Variants in CFAP46 observed in about 807,000 individuals in gnomAD.
CFAP46 encodes cilia- and flagella-associated protein 46.
Under a neutral mutation model 325.7 loss-of-function variants are expected in CFAP46, and 245 were observed. The observed-to-expected ratio is 0.75, with a 90% CI of 0.68 to 0.84. CFAP46 has a LOEUF of 0.84. Among genes scored for constraint, CFAP46 ranks in the 40% least tolerant of loss-of-function variants. The pLI, the probability that CFAP46 is intolerant of heterozygous loss-of-function variation, is 0.00. For missense variants in CFAP46, 3,346 were observed against 3,543.0 expected, an observed-to-expected ratio of 0.94 and a Z score of 1.41; for synonymous variants, 1,523 against 1,495.9, an observed-to-expected ratio of 1.02 and a Z score of -0.42.
chr10:132,888,364 A>ACC lies in CFAP46; in HGVS notation c.3305-2407_3305-2406dup, dbSNP rs1293627478. On this transcript the variant is annotated intron_variant, in intron 25 of 57. Coordinates refer to ENST00000368586, the MANE Select transcript of CFAP46 (RefSeq NM_001200049.3). ...TGCCACCTTCACCCCTGCCGCCTGC[A>ACC]CCTGCCACCTTCACCCCTGCCGCCT... Among the ~76,000 whole-genome samples the ACC allele has an allele frequency of 7.4e-3, 307 of 41,254 alleles. 23 individuals carry two copies. Among genetic ancestry groups the ACC allele is most frequent in the African/African-American group, 0.052 (263 of 5,048 alleles). 27.1% of individuals were successfully genotyped at this position (41,254 alleles called of 152,430 possible).
chr10:132,903,433 C>T (rs1057514147), intron 22 of CFAP46, among the ~76,000 whole-genome samples: 3 of 152,048 alleles, frequency 2.0e-5, no homozygotes, highest in Non-Finnish European at 4.4e-5. Flanking sequence ...CATTTCTCCC[C>T]GCGACTCTTC....
rs1251373487 is a variant in CFAP46 at position 132,872,662 on chromosome 10, G to T, written c.4511+14C>A. On this transcript the variant is annotated intron_variant, in intron 32 of 57. Coordinates refer to ENST00000368586, the MANE Select transcript of CFAP46 (RefSeq NM_001200049.3). ...TTTGGGGAAATCACACTCCGAAAAA[G>T]GAGCTGTACCCACCGAAGGTGGTAG... 1.3e-6 allele frequency: 2 copies of T among 1,550,548 alleles called. No homozygotes were observed. Among genetic ancestry groups the T allele is most frequent in the Admixed American group, 3.9e-5 (2 of 51,010 alleles).
chr10:132,936,455 G>A lies in CFAP46; in HGVS notation c.755+506C>T, dbSNP rs558756887. The stretch of plus-strand genomic sequence containing the variant: ...TCCCCTCGGCATCCAAACACACTGT[G>A]ATCTCCTCACTCCCCTCGGCACCCA... On this transcript the variant is annotated intron_variant, in intron 7 of 57. Coordinates refer to ENST00000368586, the MANE Select transcript of CFAP46 (RefSeq NM_001200049.3). Among the ~76,000 whole-genome samples the A allele has an allele frequency of 1.3e-3, 154 of 120,938 alleles. 1 individual carries two copies. Among genetic ancestry groups the A allele is most frequent in the African/African-American group, 4.4e-3 (135 of 30,406 alleles). 79.3% of individuals were successfully genotyped at this position (120,938 alleles called of 152,430 possible).
In CFAP46 at chr10:132,880,991, C is replaced by T. The variant is rs756186122; in HGVS notation, c.3669G>A (p.Glu1223=). Residue 1223 remains glutamate (E), a synonymous_variant, in exon 28 of 58, where the codon GAG becomes GAA. Coordinates refer to ENST00000368586, the MANE Select transcript of CFAP46 (RefSeq NM_001200049.3). The part of the protein sequence containing the change: ...MEWQKVEYLM[E]FGQWLHHRHF... ...GTCTGTGATGGAGCCACTGGCCGAA[C>T]TCCATGAGGTACTCCACCTTCTGCC... 3.2e-6 allele frequency: 5 copies of T among 1,550,466 alleles called. No homozygotes were observed. Among genetic ancestry groups the T allele is most frequent in the African/African-American group, 2.7e-5 (2 of 73,052 alleles).
At chr10:132,842,121 C>A (rs1032909300) in intron 44 of CFAP46, among the ~76,000 whole-genome samples, 1 of 152,190 alleles carries the variant, frequency 6.6e-6, no homozygotes, top group Non-Finnish European at 1.5e-5. Context: ...ATTCCATCTC[C>A]GAGTTATTTT....
rs963286497 is a variant in CFAP46 at position 132,885,455 on chromosome 10, G to A, written c.3444-169C>T. ...CTACGCGGGGGTCTCGGGGGTGAGC[G>A]GGGGCCTCGGGGCTATGCAGGGTTT... On this transcript the variant is annotated intron_variant, in intron 26 of 57. Coordinates refer to ENST00000368586, the MANE Select transcript of CFAP46 (RefSeq NM_001200049.3). 3.3e-5 allele frequency among the ~76,000 whole-genome samples: 5 copies of A among 151,966 alleles called. No homozygotes were observed. In the East Asian group the frequency reaches 9.7e-4, roughly 30 times the overall value.
chr10:132,824,159 TGCTGTGTGCTGTGTGAGC>T (rs1847973868), intron 50 of CFAP46, among the ~76,000 whole-genome samples: 1 of 133,630 alleles, frequency 7.5e-6, no homozygotes. Context: ...GCTGTGTGTG[TGCTGTGTGCTGTGTGAGC>T]GCTGATGTGT....
At chr10:132,885,981 G>A (rs1459323301) in intron 25 of CFAP46, 22 bp from the exon 26 acceptor site, 2 of 1,547,902 alleles carry the variant, frequency 1.3e-6, no homozygotes, top group Non-Finnish European at 1.7e-6. Context: ...AAGGAGGGGT[G>A]TCCTTGGAGC....
At chr10:132,824,987 T>C (rs1285824733) in intron 50 of CFAP46, among the ~76,000 whole-genome samples, 3 of 139,962 alleles carry the variant, frequency 2.1e-5, no homozygotes, top group African/African-American at 8.0e-5. Context: ...TGCTGATGTG[T>C]GCTGTGTGTG....
chr10:132,901,997 A>G (rs531308990), intron 22 of CFAP46, among the ~76,000 whole-genome samples: 1 of 152,262 alleles, frequency 6.6e-6, no homozygotes, highest in East Asian at 1.9e-4. Context: ...TCCCCATGCT[A>G]ACTCCTTTCC....
At chr10:132,823,528 CTGTGTGCGCTGTGTGCTGTGTGCTGA>C (rs1847942624) in intron 50 of CFAP46, among the ~76,000 whole-genome samples, 1 of 82,108 alleles carries the variant, frequency 1.2e-5, no homozygotes, top group Non-Finnish European at 2.3e-5. Flanking sequence ...GCTGTGTGTG[CTGTGTGCGCTGTGTGCTGTGTGCTGA>C]TGTGTGCTGA....
At position 132,941,968 on chromosome 10, in the gene CFAP46, G is replaced by A; in HGVS notation, c.174+12C>T. 1.3e-6 allele frequency: 2 copies of A among 1,551,520 alleles called. No individual in the cohort carries two copies. Among genetic ancestry groups the A allele is most frequent in the Non-Finnish European group, 1.7e-6 (2 of 1,146,914 alleles). ...AAAGCTGCCCTGACCGAGGATCCCG[G>A]GAACTAGTTACCTTCAGGGCCTGCT... On this transcript the variant is annotated intron_variant, in intron 2 of 57. Transcript: ENST00000368586.
intron 24 of CFAP46, among the ~76,000 whole-genome samples, chr10:132,892,635 T>C (rs905124914): frequency 4.6e-5 from 7 of 152,202 alleles, no homozygotes; most frequent in Admixed American, 4.6e-4. Context: ...TTAAGTTATT[T>C]TAATGTAAAT....
chr10:132,815,644 C>T (rs550328466), intron 50 of CFAP46, among the ~76,000 whole-genome samples: 9 of 152,240 alleles, frequency 5.9e-5, no homozygotes, highest in Non-Finnish European at 1.2e-4. Flanking sequence ...AACTGGGGCC[C>T]GGCACGTGGC....
At position 132,857,712 on chromosome 10, in the gene CFAP46, C is replaced by A; in HGVS notation, c.5452G>T (p.Ala1818Ser). 6.2e-7 allele frequency: 1 copy of A among 1,612,366 alleles called. No individual in the cohort carries two copies. The highest frequency in any genetic ancestry group is 1.1e-5 in the South Asian group (1 of 90,662). Residue 1818 changes from alanine (A) to serine (S), a missense_variant, in exon 39 of 58, where the codon GCC becomes TCC. By Grantham distance (99) the Ala-to-Ser change is moderately conservative. Coordinates refer to ENST00000368586, the MANE Select transcript of CFAP46 (RefSeq NM_001200049.3). ...YLEAYGLAQG[A>S]VAEEEGRLHS... Reference sequence around the variant, plus strand: ...AGCCTCCCTTCTTCCTCAGCTACGGCACCCTGGGCCAGGCCATACGCTTCC... The same window carrying A: ...AGCCTCCCTTCTTCCTCAGCTACGGAACCCTGGGCCAGGCCATACGCTTCC...
chr10:132,878,682 G>T (rs932247912), intron 29 of CFAP46, among the ~76,000 whole-genome samples: 5 of 152,210 alleles, frequency 3.3e-5, no homozygotes, highest in African/African-American at 1.2e-4. Context: ...CAGTGGTTGA[G>T]GCTGGTGGGG....
chr10:132,885,069 T>C (rs966484774), intron 27 of CFAP46, 34 bp downstream of exon 27: 3 of 1,521,840 alleles, frequency 2.0e-6, no homozygotes, highest in Non-Finnish European at 2.7e-6. Flanking sequence ...AAGGACAAAT[T>C]TTACCACGTG....
chr10:132,820,915 CTGA>C lies in CFAP46; in HGVS notation c.7118-6004_7118-6002del, dbSNP rs1368542113. ...TGTGCTGATGTGTGCTGTGTGTGTG[CTGA>C]TGTGTGCTGTGTGTGCGCTGATGTG... is the stretch of plus-strand genomic sequence containing the variant. On this transcript the variant is annotated intron_variant, in intron 50 of 57. Coordinates refer to ENST00000368586, the MANE Select transcript of CFAP46 (RefSeq NM_001200049.3). Among the ~76,000 whole-genome samples the C allele has an allele frequency of 7.1e-5, 8 of 112,996 alleles. No individual in the cohort carries two copies. In the East Asian group the frequency reaches 8.8e-4, roughly 12 times the overall value. 74.1% of individuals were successfully genotyped at this position (112,996 alleles called of 152,430 possible). A position where few individuals can be genotyped will look rare whatever the true frequency, so the allele number is the denominator to read the frequency against.
intron 50 of CFAP46, among the ~76,000 whole-genome samples, chr10:132,822,974 GTGC>G (rs1847911136): frequency 2.1e-5 from 3 of 145,518 alleles, no homozygotes; most frequent in Admixed American, 6.8e-5. Flanking sequence ...TGTGCTGTGT[GTGC>G]AGTGATGTGT....
Sources: allele counts gnomAD v4.1 joint callset (sites outside exome capture counted in the v4.1 genomes callset), GRCh38; gene constraint gnomAD v4.1.1; transcripts MANE v1.5; gene names NCBI Gene and HGNC (gene_info 2026-07-23, HGNC 2026-07-21).